ARMC8: variants seen among roughly 807,000 people sequenced by gnomAD.
ARMC8 encodes armadillo repeat-containing protein 8.
In ARMC8, 20 loss-of-function variants were observed where a neutral mutation model predicts 99.3. The observed-to-expected ratio is 0.20, with a 90% CI of 0.14 to 0.29. The LOEUF is 0.29. Among genes scored for constraint, ARMC8 ranks in the 10% least tolerant of loss-of-function variants. The probability of loss-of-function intolerance (pLI) is 1.00; values close to 1 mark genes in which losing one functional copy is unlikely to be tolerated. For synonymous variants in ARMC8, 263 were observed against 278.3 expected (o/e 0.95, Z 0.55); for missense variants, 569 against 809.5 (o/e 0.70, Z 3.60).
intron 12 of ARMC8, among the ~76,000 whole-genome samples, chr3:138,254,747 G>A (rs905837523): frequency 2.2e-4 from 33 of 152,098 alleles, no homozygotes; most frequent in Admixed American, 2.2e-3. Context: ...AGGAAAAGTC[G>A]ACTCAAGAGA....
At chr3:138,262,312 T>C in intron 12 of ARMC8, 1 of 520,358 alleles carries the variant, frequency 1.9e-6, no homozygotes, top group Non-Finnish European at 3.4e-6. Context: ...AGGTTTGGTC[T>C]AGGGCGAGGA....
intron 7 of ARMC8, among the ~76,000 whole-genome samples, chr3:138,236,390 A>G (rs2046334652): frequency 3.9e-5 from 6 of 152,150 alleles, no homozygotes. Flanking sequence ...TAGCTTCATT[A>G]ATTCCCCCAG....
intron 6 of ARMC8, 126 bp downstream of exon 6, chr3:138,229,136 A>ATATATATATATATATATG (rs2045856343): frequency 2.5e-5 from 1 of 40,052 alleles, no homozygotes; most frequent in African/African-American, 1.8e-4. Context: ...GTGTGCGTGT[A>ATATATATATATATATATG]TATATATATA....
At chr3:138,255,825 C>T (rs1452105592) in intron 12 of ARMC8, among the ~76,000 whole-genome samples, 2 of 152,092 alleles carry the variant, frequency 1.3e-5, no homozygotes, top group African/African-American at 2.4e-5. Context: ...ACTAAAAATA[C>T]AAAAATTAGC....
intron 21 of ARMC8, 69 bp from the exon 22 acceptor site, chr3:138,295,790 T>G (rs559414642): frequency 1.3e-6 from 2 of 1,560,824 alleles, no homozygotes; most frequent in East Asian, 2.3e-5. Flanking sequence ...CTATCATCAT[T>G]GAACCATAGG....
At chr3:138,252,904 G>A (rs972318133) in intron 12 of ARMC8, among the ~76,000 whole-genome samples, 10 of 151,948 alleles carry the variant, frequency 6.6e-5, no homozygotes, top group African/African-American at 2.4e-4. Context: ...CTGAAGAAAG[G>A]CATTATCAAT....
intron 1 of ARMC8, among the ~76,000 whole-genome samples, chr3:138,197,562 T>C (rs915145601): frequency 2.6e-5 from 4 of 152,254 alleles, no homozygotes; most frequent in Non-Finnish European, 5.9e-5. Flanking sequence ...GGCATTTAAA[T>C]ACATCCTAGT....
intron 18 of ARMC8, among the ~76,000 whole-genome samples, chr3:138,283,759 T>G (rs2050148967): frequency 6.6e-6 from 1 of 152,216 alleles, no homozygotes; most frequent in South Asian, 2.1e-4. Flanking sequence ...AGTGCAGTGG[T>G]TGTCCTCAAG....
intron 12 of ARMC8, among the ~76,000 whole-genome samples, chr3:138,252,261 G>A (rs1428461930): frequency 6.6e-6 from 1 of 152,132 alleles, no homozygotes; most frequent in East Asian, 1.9e-4. Flanking sequence ...TCAGGTTTAT[G>A]TCCGTAAAGT....
chr3:138,200,580 GATAT>G (rs2043997805), intron 1 of ARMC8, among the ~76,000 whole-genome samples: 1 of 152,094 alleles, frequency 6.6e-6, no homozygotes, highest in Non-Finnish European at 1.5e-5. Flanking sequence ...TTGCCCACTA[GATAT>G]CAGTAGCATT....
intron 1 of ARMC8, 106 bp from the exon 2 acceptor site, chr3:138,209,711 C>A: frequency 1.1e-6 from 1 of 889,458 alleles, no homozygotes; most frequent in Non-Finnish European, 1.8e-6. Flanking sequence ...AATTTTAATG[C>A]ATCTACCTTA....
At chr3:138,282,355 G>T (rs892791718) in intron 18 of ARMC8, among the ~76,000 whole-genome samples, 2 of 152,098 alleles carry the variant, frequency 1.3e-5, no homozygotes, top group African/African-American at 4.8e-5. Context: ...AGAGAGAAAA[G>T]AATACTTGTA....
At chr3:138,190,350 A>G (rs2043314092) in intron 1 of ARMC8, among the ~76,000 whole-genome samples, 1 of 142,224 alleles carries the variant, frequency 7.0e-6, no homozygotes, top group Non-Finnish European at 1.5e-5. Flanking sequence ...GCAGTGGCGC[A>G]ATCTCGACTC....
chr3:138,198,014 A>G lies in ARMC8; in HGVS notation c.45+10415A>G, dbSNP rs143395823. On this transcript the variant is annotated intron_variant, in intron 1 of 21. Transcript: ENST00000469044. ...ATATTTAATAGTTTACAAGGGCAAT[A>G]AGAATGCATTATCACATTAAAAACT... Among the ~76,000 whole-genome samples, 36 of 152,340 alleles carry G rather than the reference A, an allele frequency of 2.4e-4. 1 individual carries two copies. In the East Asian group the frequency reaches 6.9e-3, roughly 29 times the overall value.
At chr3:138,284,041 C>T (rs1354310543) in intron 18 of ARMC8, among the ~76,000 whole-genome samples, 1 of 152,144 alleles carries the variant, frequency 6.6e-6, no homozygotes, top group Non-Finnish European at 1.5e-5. Context: ...AGAGCTTCCA[C>T]CAAAGAGACT....
Position 138,211,648 on chromosome 3 carries a change from C to T in ARMC8, c.122+1755C>T, listed in dbSNP as rs538825310. Among the ~76,000 whole-genome samples, 8 of 152,188 alleles carry T rather than the reference C, an allele frequency of 5.3e-5. No homozygotes were observed. The South Asian group carries it at 1.2e-3, about 24-fold the overall frequency. ...TGAAGGAATGGTAGAGTAGAAGGAG[C>T]GTGGGGTTTGGAGTTGGACCATAGT... On this transcript the variant is annotated intron_variant, in intron 2 of 21. Transcript: ENST00000469044.
intron 19 of ARMC8, 80 bp from the exon 20 acceptor site, chr3:138,288,963 ATTGGC>A: frequency 9.3e-7 from 1 of 1,073,986 alleles, no homozygotes; most frequent in South Asian, 1.4e-5. Flanking sequence ...GGTTATAGGA[ATTGGC>A]TATGGTAGGT....
intron 12 of ARMC8, chr3:138,262,320 G>C: frequency 1.8e-6 from 1 of 546,580 alleles, no homozygotes; most frequent in Non-Finnish European, 3.2e-6. Context: ...TCTAGGGCGA[G>C]GAGTAGATCA....
At chr3:138,258,313 T>C (rs1409343327) in intron 12 of ARMC8, among the ~76,000 whole-genome samples, 1 of 152,236 alleles carries the variant, frequency 6.6e-6, no homozygotes, top group Non-Finnish European at 1.5e-5. Context: ...ATCAAGAATG[T>C]TTCATCCCGA....
Sources: gnomAD v4.1 joint callset for allele counts (sites outside exome capture counted in the v4.1 genomes callset) on GRCh38, gnomAD v4.1.1 for gene constraint, MANE v1.5 for transcripts, NCBI Gene and HGNC (gene_info 2026-07-23, HGNC 2026-07-21) for gene names.